IL1RL1: variants seen among roughly 807,000 people sequenced by gnomAD.
The protein encoded by IL1RL1 is interleukin-1 receptor-like 1.
A neutral mutation model predicts 50.9 loss-of-function variants in IL1RL1; 32 were observed. That is an observed-to-expected ratio of 0.63 (90% CI 0.47 to 0.84). The LOEUF is 0.84. Ranked by LOEUF, IL1RL1 falls within the 40% of genes least tolerant of loss-of-function variation. The probability of loss-of-function intolerance (pLI) is 0.00; values close to 1 mark genes in which losing one functional copy is unlikely to be tolerated. For missense variants in IL1RL1, 773 were observed against 662.9 expected, an observed-to-expected ratio of 1.17 and a Z score of -1.82; for synonymous variants, 275 against 236.0, an observed-to-expected ratio of 1.17 and a Z score of -1.51.
In IL1RL1 at chr2:102,349,107, C is replaced by T. The variant is rs1200048248; in HGVS notation, c.1146C>T (p.Val382=). The change falls in exon 10 of 11, where the codon GTC becomes GTT. Residue 382 remains valine, a synonymous_variant. Coordinates refer to ENST00000233954, the MANE Select transcript of IL1RL1 (RefSeq NM_016232.5). ...NDGKLYDAYV[V]YPRNYKSSTD... is the part of the protein sequence containing the mutation. ...GAAAGCTCTATGATGCTTATGTTGT[C>T]TACCCACGGAACTACAAATCCAGTA... 2.5e-6 allele frequency: 4 copies of T among 1,613,562 alleles called. No homozygotes were observed. In the African/African-American group the frequency reaches 4.0e-5, roughly 16 times the overall value.
intron 10 of IL1RL1, 83 bp from the exon 11 acceptor site, chr2:102,351,453 C>T (rs1398881831): frequency 5.6e-6 from 7 of 1,252,374 alleles, no homozygotes; most frequent in African/African-American, 1.5e-5. Flanking sequence ...CAGATTATAA[C>T]AATAAGACTT....
At chr2:102,329,883 C>T (rs532161564) in intron 1 of IL1RL1, among the ~76,000 whole-genome samples, 156 of 152,178 alleles carry the variant, frequency 1.0e-3, no homozygotes, top group African/African-American at 3.2e-3. Flanking sequence ...ACTTTTACAC[C>T]GTTGGTGGGA....
chr2:102,340,266 G>A lies in IL1RL1; in HGVS notation c.441G>A (p.Trp147Ter). The A allele has an allele frequency of 6.3e-7, 1 of 1,584,770 alleles. No individual in the cohort carries two copies. Among genetic ancestry groups the A allele is most frequent in the South Asian group, 1.2e-5 (1 of 85,072 alleles). Reference protein sequence around the residue: ...DLYNWTAPLEWFKNCQALQGS... With the variant: ...DLYNWTAPLE ...ACAACTGGACAGCACCTCTTGAGTGGTTTAAGGTAAGAAGAAATTTGGAAG... is the reference window on the plus strand; with the variant it reads ...ACAACTGGACAGCACCTCTTGAGTGATTTAAGGTAAGAAGAAATTTGGAAG... Residue 147 changes from tryptophan to a stop codon, truncating the protein, a stop_gained, in exon 4 of 11, where the codon TGG becomes TGA. Coordinates refer to ENST00000233954, the MANE Select transcript of IL1RL1 (RefSeq NM_016232.5). LOFTEE classifies it high-confidence loss of function.
intron 1 of IL1RL1, among the ~76,000 whole-genome samples, chr2:102,312,008 T>TATAATATATATTATATATA (rs1676522233): frequency 4.4e-5 from 1 of 22,896 alleles, no homozygotes; most frequent in African/African-American, 3.2e-4. Flanking sequence ...TATATTTATA[T>TATAATATATATTATATATA]ATATTATATA....
chr2:102,330,515 G>A (rs967339085), intron 1 of IL1RL1, among the ~76,000 whole-genome samples: 1 of 152,142 alleles, frequency 6.6e-6, no homozygotes, highest in African/African-American at 2.4e-5. Flanking sequence ...GAATCTCATT[G>A]TGATTTTAAT....
chr2:102,333,693 T>A (rs1677233780), intron 1 of IL1RL1, among the ~76,000 whole-genome samples: 1 of 152,150 alleles, frequency 6.6e-6, no homozygotes, highest in African/African-American at 2.4e-5. Context: ...TTACCCAAAT[T>A]GTGAATATTG....
intron 3 of IL1RL1, 26 bp from the exon 4 acceptor site, chr2:102,340,072 T>C (rs1333588863): frequency 2.1e-6 from 3 of 1,407,758 alleles, no homozygotes; most frequent in African/African-American, 2.9e-5. Context: ...AAGTGACTCT[T>C]TTAATTGTCT....
chr2:102,337,914 T>C (rs756468807), intron 1 of IL1RL1, among the ~76,000 whole-genome samples: 4 of 152,162 alleles, frequency 2.6e-5, no homozygotes, highest in African/African-American at 7.2e-5. Flanking sequence ...AACTGTGAAA[T>C]AGCATGATCA....
At chr2:102,327,732 T>C (rs930382997) in intron 1 of IL1RL1, among the ~76,000 whole-genome samples, 6 of 152,118 alleles carry the variant, frequency 3.9e-5, no homozygotes, top group South Asian at 2.1e-4. Flanking sequence ...AACACCTCTA[T>C]GCAAATAAAC....
intron 1 of IL1RL1, among the ~76,000 whole-genome samples, chr2:102,317,218 G>T (rs1028884640): frequency 6.6e-6 from 1 of 152,056 alleles, no homozygotes; most frequent in African/African-American, 2.4e-5. Flanking sequence ...ACTGGGCGTG[G>T]TGGTGGGCGC....
At chr2:102,342,666 A>C (rs1193068026) in intron 6 of IL1RL1, among the ~76,000 whole-genome samples, 1 of 152,194 alleles carries the variant, frequency 6.6e-6, no homozygotes, top group Non-Finnish European at 1.5e-5. Flanking sequence ...AGATGAAGAG[A>C]GTTCTGTAGA....
At chr2:102,342,327 G>T (rs768570424) in intron 6 of IL1RL1, 33 bp downstream of exon 6, 38 of 1,482,366 alleles carry the variant, frequency 2.6e-5, no homozygotes, top group Non-Finnish European at 3.3e-5. Flanking sequence ...TGTAAATATT[G>T]CCTGGAAAAA....
chr2:102,348,411 T>C (rs1677839852), intron 9 of IL1RL1, among the ~76,000 whole-genome samples: 1 of 151,552 alleles, frequency 6.6e-6, no homozygotes, highest in Non-Finnish European at 1.5e-5. Context: ...CGGTAAGACA[T>C]TATGAAGTTA....
At chr2:102,323,247 T>A (rs1309376121) in intron 1 of IL1RL1, among the ~76,000 whole-genome samples, 5 of 98,718 alleles carry the variant, frequency 5.1e-5, no homozygotes, top group Admixed American at 2.8e-4. Context: ...TTGTTAGGTT[T>A]TATATATATA....
intron 1 of IL1RL1, among the ~76,000 whole-genome samples, chr2:102,325,805 T>C (rs528123165): frequency 2.6e-5 from 4 of 152,030 alleles, no homozygotes; most frequent in African/African-American, 4.8e-5. Context: ...TTAGAGAAAG[T>C]AGAATAAAAG....
chr2:102,324,151 C>A (rs1559596734), intron 1 of IL1RL1, among the ~76,000 whole-genome samples: 3 of 151,658 alleles, frequency 2.0e-5, no homozygotes, highest in South Asian at 2.1e-4. Context: ...GTGTACAAGT[C>A]TTTTTGTGTG....
intron 1 of IL1RL1, among the ~76,000 whole-genome samples, chr2:102,314,040 G>A (rs1676599994): frequency 6.6e-6 from 1 of 152,246 alleles, no homozygotes; most frequent in Non-Finnish European, 1.5e-5. Flanking sequence ...GGAGAATGGA[G>A]AAATGGGGTG....
intron 1 of IL1RL1, among the ~76,000 whole-genome samples, chr2:102,324,404 G>T (rs1441540758): frequency 6.6e-6 from 1 of 152,208 alleles, no homozygotes; most frequent in East Asian, 1.9e-4. Context: ...AACAGCTACA[G>T]TCTACAGCTC....
At chr2:102,345,637 T>G (rs1573160461) in intron 8 of IL1RL1, 5 of 985,324 alleles carry the variant, frequency 5.1e-6, no homozygotes, top group Non-Finnish European at 6.0e-6. Context: ...CTGCCTGAAG[T>G]GCTATGTGGG....
Sources: allele counts gnomAD v4.1 joint callset (sites outside exome capture counted in the v4.1 genomes callset), GRCh38; gene constraint gnomAD v4.1.1; transcripts MANE v1.5; gene names NCBI Gene and HGNC (gene_info 2026-07-23, HGNC 2026-07-21).